Variants in PDE4A observed in about 807,000 individuals in gnomAD.
PDE4A encodes 3',5'-cyclic-AMP phosphodiesterase 4A.
Under a neutral mutation model 73.9 loss-of-function variants are expected in PDE4A, and 21 were observed. The ratio of observed to expected loss-of-function variants is 0.28; its 90% CI spans 0.20 to 0.41. PDE4A has a LOEUF of 0.41. PDE4A is among the 10% of genes least tolerant of loss of function. The pLI is 1.00. For synonymous variants in PDE4A, 463 were observed against 505.4 expected (o/e 0.92, Z 1.13); for missense variants, 958 against 1,211.4 (o/e 0.79, Z 3.10).
intron 1 of PDE4A, 139 bp downstream of exon 1, chr19:10,421,223 G>C (rs1261469660): frequency 7.5e-7 from 1 of 1,336,536 alleles, no homozygotes; most frequent in Non-Finnish European, 9.5e-7. Flanking sequence ...TCGGCTGCGG[G>C]GGCGTCTGGG....
rs1172215769 is a variant in PDE4A, at chr19:10,463,806, T to C, written c.1757T>C (p.Met586Thr). 1.1e-5 allele frequency: 17 copies of C among 1,613,950 alleles called. No individual in the cohort carries two copies. The highest frequency in any genetic ancestry group is 1.4e-5 in the Non-Finnish European group (17 of 1,180,002). Reference sequence around the variant, plus strand: ...AACCCCATGCAGGTCCTCCGGAACATGGTGCACTGTGCCGACCTCAGCAAC... The same window carrying C: ...AACCCCATGCAGGTCCTCCGGAACACGGTGCACTGTGCCGACCTCAGCAAC... ...YSDRIQVLRN[M>T]VHCADLSNPT... The change falls in exon 14 of 15, where the codon ATG becomes ACG. Residue 586 changes from methionine to threonine, a missense_variant. This residue lies in a region of PDE4A where 570 missense variants were observed against 827.7 expected (regional missense o/e 0.69). Coordinates refer to ENST00000380702, the MANE Select transcript of PDE4A (RefSeq NM_001111307.2).
intron 1 of PDE4A, among the ~76,000 whole-genome samples, chr19:10,440,076 C>G (rs892993633): frequency 6.6e-6 from 1 of 150,654 alleles, no homozygotes; most frequent in African/African-American, 2.4e-5. Context: ...CCTCTGCCAC[C>G]CGGGTTCAAG....
chr19:10,454,561 T>C (rs2043142994), intron 6 of PDE4A, among the ~76,000 whole-genome samples: 1 of 152,112 alleles, frequency 6.6e-6, no homozygotes, highest in Non-Finnish European at 1.5e-5. Context: ...AGCTCCTCCT[T>C]GGGGGAGATG....
In PDE4A at chr19:10,466,967, G is replaced by A. The variant is rs201305717; in HGVS notation, c.2007G>A (p.Leu669=). Residue 669 remains leucine (L), a synonymous_variant, in exon 15 of 15, where the codon TTG becomes TTA. Coordinates refer to ENST00000380702, the MANE Select transcript of PDE4A (RefSeq NM_001111307.2). The stretch of plus-strand genomic sequence containing the variant: ...TCCACCCAGATGCCCAGGAGATCTT[G>A]GACACTTTGGAGGACAACCGGGACT... ...DLVHPDAQEI[L]DTLEDNRDWY... 7.9e-5 allele frequency: 127 copies of A among 1,614,022 alleles called. 1 individual carries two copies. Among genetic ancestry groups the A allele is most frequent in the Non-Finnish European group, 1.1e-4 (124 of 1,180,038 alleles).
upstream of PDE4A, among the ~76,000 whole-genome samples, chr19:10,419,298 A>T (rs1277837178): frequency 1.3e-4 from 2 of 15,752 alleles, no homozygotes; most frequent in South Asian, 2.3e-3. Context: ...GGGGGGGTTG[A>T]GGGGGATGGG....
intron 6 of PDE4A, among the ~76,000 whole-genome samples, chr19:10,454,279 G>A (rs2043138666): frequency 6.6e-6 from 1 of 152,122 alleles, no homozygotes. Flanking sequence ...CCCAGAGCTT[G>A]GCTACCACGT....
intron 1 of PDE4A, among the ~76,000 whole-genome samples, chr19:10,426,987 G>T (rs2145456018): frequency 6.6e-6 from 1 of 152,032 alleles, no homozygotes; most frequent in East Asian, 1.9e-4. Context: ...GGTGACATTT[G>T]AACAAAGACC....
chr19:10,459,548 C>T lies in PDE4A; in HGVS notation c.1201-47C>T, dbSNP rs199625182. The T allele has an allele frequency of 3.4e-5, 54 of 1,610,464 alleles. No homozygotes were observed. In the East Asian group the frequency reaches 6.0e-4, roughly 18 times the overall value. The stretch of plus-strand genomic sequence containing the variant: ...CCCGGGTGAGGGGCTCATAGCGGGG[C>T]GCTGGAGGCCGGTGGAGGTCACCAC... On this transcript the variant is annotated intron_variant, in intron 9 of 14. Transcript: ENST00000380702.
rs1032915648 is a variant in PDE4A at position 10,424,466 on chromosome 19, G to C, written c.320+3382G>C. On this transcript the variant is annotated intron_variant, in intron 1 of 14. Transcript: ENST00000380702. The surrounding 1 kb of genome is among the most constrained non-coding windows in gnomAD (Gnocchi z 4.8). ...AGTCCCTGGATGTGGGTTGGGAGCG[G>C]GTCTCCCCGCGCGCCCTCTGCTGGA... Among the ~76,000 whole-genome samples, 8 of 152,328 alleles carry C rather than the reference G, an allele frequency of 5.3e-5. 1 individual carries two copies. Among genetic ancestry groups the C allele is most frequent in the South Asian group, 2.1e-4 (1 of 4,830 alleles).
chr19:10,467,018 C>T lies in PDE4A; in HGVS notation c.2058C>T (p.Ser686=). 6.2e-7 allele frequency: 1 copy of T among 1,614,156 alleles called. No individual in the cohort carries two copies. The highest frequency in any genetic ancestry group is 8.5e-7 in the Non-Finnish European group (1 of 1,180,032). ...RDWYYSAIRQ[S]PSPPPEEESR... ...GGTACTACAGCGCCATCCGGCAGAG[C>T]CCATCTCCGCCACCCGAGGAGGAGT... Residue 686 remains serine, a synonymous_variant, in exon 15 of 15, where the codon AGC becomes AGT. Transcript: ENST00000380702.
intron 4 of PDE4A, among the ~76,000 whole-genome samples, chr19:10,450,075 G>A (rs1453228065): frequency 6.6e-6 from 1 of 152,184 alleles, no homozygotes; most frequent in African/African-American, 2.4e-5. Flanking sequence ...CAGCCTGGGT[G>A]ACAGAGCAAG....
intron 1 of PDE4A, among the ~76,000 whole-genome samples, chr19:10,441,234 T>G (rs1030270727): frequency 2.0e-5 from 3 of 152,090 alleles, no homozygotes; most frequent in Admixed American, 2.0e-4. Flanking sequence ...TGTTTTTTGT[T>G]TCTTTGTTTC....
intron 4 of PDE4A, among the ~76,000 whole-genome samples, chr19:10,449,670 T>C (rs1373626180): frequency 6.6e-6 from 1 of 152,078 alleles, no homozygotes; most frequent in Non-Finnish European, 1.5e-5. Flanking sequence ...CAGAGGTTTT[T>C]ATAAATAAAG....
At chr19:10,452,857 C>T (rs2043112951) in intron 6 of PDE4A, 7 of 539,744 alleles carry the variant, frequency 1.3e-5, no homozygotes, top group Non-Finnish European at 1.7e-5. Flanking sequence ...CTCTGATGCC[C>T]CTTTAATACC....
chr19:10,460,750 A>T lies in PDE4A; in HGVS notation c.1366-254A>T, dbSNP rs1221754661. Among the ~76,000 whole-genome samples, 4 of 151,144 alleles carry T rather than the reference A, an allele frequency of 2.6e-5. No homozygotes were observed. The East Asian group carries it at 7.8e-4, about 29-fold the overall frequency. On this transcript the variant is annotated intron_variant, in intron 10 of 14. Coordinates refer to ENST00000380702, the MANE Select transcript of PDE4A (RefSeq NM_001111307.2). ...GATGGGGAAGTTGCAGTGAGCCAAG[A>T]TCGTGCCACTGCATTCCAACCTGGG...
At chr19:10,434,944 G>A (rs548240225) in intron 1 of PDE4A, among the ~76,000 whole-genome samples, 9 of 142,164 alleles carry the variant, frequency 6.3e-5, no homozygotes, top group African/African-American at 2.4e-4. Context: ...AGGCTGGGAT[G>A]CAGTGGTATC....
In PDE4A at chr19:10,459,559, G is replaced by A. The variant is rs201178634; in HGVS notation, c.1201-36G>A. 99 of 1,611,280 alleles carry A rather than the reference G, an allele frequency of 6.1e-5. No individual in the cohort carries two copies. The East Asian group carries it at 1.1e-3, about 19-fold the overall frequency. Reference sequence around the variant, plus strand: ...GGCTCATAGCGGGGCGCTGGAGGCCGGTGGAGGTCACCACCCTGCCCCTGC... The same window carrying A: ...GGCTCATAGCGGGGCGCTGGAGGCCAGTGGAGGTCACCACCCTGCCCCTGC... On this transcript the variant is annotated intron_variant, in intron 9 of 14. Transcript: ENST00000380702.
intron 7 of PDE4A, among the ~76,000 whole-genome samples, chr19:10,457,595 C>G (rs969029106): frequency 2.6e-5 from 4 of 152,102 alleles, no homozygotes; most frequent in Non-Finnish European, 5.9e-5. Flanking sequence ...TCCCTGGCAT[C>G]CCCACCTCGC....
chr19:10,447,559 G>A (rs1456497427), intron 2 of PDE4A, among the ~76,000 whole-genome samples: 1 of 151,484 alleles, frequency 6.6e-6, no homozygotes, highest in African/African-American at 2.4e-5. Flanking sequence ...AATAGTGATC[G>A]GGTCTCACTA....
Sources: allele counts gnomAD v4.1 joint callset (sites outside exome capture counted in the v4.1 genomes callset), GRCh38; gene constraint gnomAD v4.1.1; regional missense constraint gnomAD v4.1.1; non-coding constraint Gnocchi (gnomAD v3.1); transcripts MANE v1.5; gene names NCBI Gene and HGNC (gene_info 2026-07-23, HGNC 2026-07-21).